The following HSD17B7 variants were observed in gnomAD, a reference collection of about 807,000 sequenced individuals.
The protein encoded by HSD17B7 is hydroxysteroid 17-beta dehydrogenase 7.
A neutral mutation model predicts 34.1 loss-of-function variants in HSD17B7; 17 were observed. That is an observed-to-expected ratio of 0.50 (90% confidence interval 0.34 to 0.75). HSD17B7 has a LOEUF of 0.75. Ranked by LOEUF, HSD17B7 falls within the 30% of genes least tolerant of loss-of-function variation. HSD17B7 has a pLI of 0.01. For synonymous variants in HSD17B7, 122 were observed against 154.6 expected, an observed-to-expected ratio of 0.79 and a Z score of 1.56; for missense variants, 296 against 406.6, an observed-to-expected ratio of 0.73 and a Z score of 2.34.
intron 5 of HSD17B7, 108 bp downstream of exon 5, chr1:162,800,045 G>C (rs1281034953): frequency 1.9e-5 from 18 of 926,838 alleles, no homozygotes; most frequent in Non-Finnish European, 2.9e-5. Context: ...TTATAGTTTA[G>C]ATTGATATTT....
chr1:162,792,964 T>G, intron 2 of HSD17B7, 102 bp downstream of exon 2: 4 of 1,146,864 alleles, frequency 3.5e-6, no homozygotes, highest in Non-Finnish European at 5.1e-6. Flanking sequence ...ACAGGTGCGG[T>G]GTAAGCAGTT....
chr1:162,803,033 G>A (rs917347097), intron 5 of HSD17B7: 14 of 157,206 alleles, frequency 8.9e-5, no homozygotes, highest in Admixed American at 3.1e-4. Flanking sequence ...CTTCTTGAAG[G>A]CAAGGACTGT....
chr1:162,800,859 G>A (rs1050963138), intron 5 of HSD17B7, among the ~76,000 whole-genome samples: 3 of 152,170 alleles, frequency 2.0e-5, no homozygotes, highest in Admixed American at 6.5e-5. Flanking sequence ...TTACCTCAAC[G>A]GAGCTTCTTG....
rs760958524 is a variant in HSD17B7, at chr1:162,790,795, G to C, written c.-6G>C. Reference sequence around the variant, plus strand: ...CTTCACTGCTTGGAAGTGTGAGTGCGCGAAGATGCGAAAGGTGGTTTTGAT... The same window carrying C: ...CTTCACTGCTTGGAAGTGTGAGTGCCCGAAGATGCGAAAGGTGGTTTTGAT... On this transcript the variant is annotated 5_prime_UTR_variant, in exon 1 of 9. Coordinates refer to ENST00000254521, the MANE Select transcript of HSD17B7 (RefSeq NM_016371.4). 1.2e-5 allele frequency: 20 copies of C among 1,611,896 alleles called. No individual in the cohort carries two copies. In the Admixed American group the frequency reaches 2.5e-4, roughly 20 times the overall value.
At chr1:162,811,179 A>G in intron 8 of HSD17B7, among the ~76,000 whole-genome samples, 1 of 152,110 alleles carries the variant, frequency 6.6e-6, no homozygotes, top group Non-Finnish European at 1.5e-5. Flanking sequence ...GCTTGTCTGT[A>G]AAGGATTTTA....
chr1:162,810,457 C>G (rs1454001084), intron 8 of HSD17B7, among the ~76,000 whole-genome samples: 2 of 152,170 alleles, frequency 1.3e-5, no homozygotes, highest in Admixed American at 6.5e-5. Flanking sequence ...CTGTAGATGT[C>G]TATTAGGTCT....
At chr1:162,795,760 G>C in intron 2 of HSD17B7, 1 of 428,820 alleles carries the variant, frequency 2.3e-6, no homozygotes, top group South Asian at 1.7e-5. Context: ...GAGATATTCT[G>C]AATATTTATG....
Position 162,799,737 on chromosome 1 carries a change from A to G in HSD17B7, c.448-6A>G. ...TTTTAATACTTTTTTTTTTTCTTTC[A>G]CCCAGATTCGGGAACTGGAGCCTCT... On this transcript the variant is annotated splice_polypyrimidine_tract_variant and splice_region_variant and intron_variant, in intron 4 of 8. Transcript: ENST00000254521. 3 of 1,602,658 alleles carry G rather than the reference A, an allele frequency of 1.9e-6. No homozygotes were observed. Among genetic ancestry groups the G allele is most frequent in the Non-Finnish European group, 2.6e-6 (3 of 1,175,790 alleles).
rs772663840 is a variant in HSD17B7, at chr1:162,803,386, T to A, written c.643-45T>A. On this transcript the variant is annotated intron_variant, in intron 5 of 8. Coordinates refer to ENST00000254521, the MANE Select transcript of HSD17B7 (RefSeq NM_016371.4). ...CTAGCATGTAGCTGGACTGAGTCAA[T>A]ATACACTGAGTTAAAGTCTCATTGC... The A allele has an allele frequency of 8.2e-6, 13 of 1,586,946 alleles. No individual in the cohort carries two copies. The African/African-American group carries it at 1.8e-4, about 21-fold the overall frequency.
In HSD17B7 at chr1:162,811,855, A is replaced by C. The variant is rs539438757; in HGVS notation, c.904-443A>C. Among the ~76,000 whole-genome samples, 3 of 152,346 alleles carry C rather than the reference A, an allele frequency of 2.0e-5. No individual in the cohort carries two copies. In the East Asian group the frequency reaches 5.8e-4, roughly 29 times the overall value. ...TCATGGCTCTGGCACCCATTGTTTC[A>C]ATGGAGGCTGAAGTATCGTCTTATA... On this transcript the variant is annotated intron_variant, in intron 8 of 8. Coordinates refer to ENST00000254521, the MANE Select transcript of HSD17B7 (RefSeq NM_016371.4).
chr1:162,806,951 A>G (rs74116796), intron 8 of HSD17B7, among the ~76,000 whole-genome samples: 9,291 of 152,252 alleles, frequency 0.061, 650 homozygotes, highest in African/African-American at 0.17. Context: ...TTGATTGAAG[A>G]TAAATGTTAT....
At chr1:162,793,034 T>TC (rs147921106) in intron 2 of HSD17B7, 172 bp downstream of exon 2, 13,366 of 428,518 alleles carry the variant, frequency 0.031, 34 homozygotes, top group East Asian at 0.081. Flanking sequence ...TTTCTTTCTT[T>TC]TTTTTTTTTT....
intron 8 of HSD17B7, among the ~76,000 whole-genome samples, chr1:162,805,939 T>A (rs1316168150): frequency 1.3e-5 from 2 of 152,172 alleles, no homozygotes; most frequent in African/African-American, 4.8e-5. Context: ...ACGTTGCAAG[T>A]TGAATGAAAT....
chr1:162,797,782 A>G lies in HSD17B7; in HGVS notation c.333-20A>G, dbSNP rs754536095. On this transcript the variant is annotated intron_variant, in intron 3 of 8. Coordinates refer to ENST00000254521, the MANE Select transcript of HSD17B7 (RefSeq NM_016371.4). Reference sequence around the variant, plus strand: ...TAAAGAAGCTTTAAAAAGTCATGCAATTATCTTCTGCTGTTTCAGAAAAGT... The same window carrying G: ...TAAAGAAGCTTTAAAAAGTCATGCAGTTATCTTCTGCTGTTTCAGAAAAGT... 6 of 1,602,924 alleles carry G rather than the reference A, an allele frequency of 3.7e-6. No individual in the cohort carries two copies. The highest frequency in any genetic ancestry group is 1.3e-5 in the African/African-American group (1 of 74,598).
Position 162,799,904 on chromosome 1 carries a change from G to C in HSD17B7, c.609G>C (p.Leu203Phe). 1 of 1,614,066 alleles carries C rather than the reference G, an allele frequency of 6.2e-7. No individual in the cohort carries two copies. Among genetic ancestry groups the C allele is most frequent in the East Asian group, 2.2e-5 (1 of 44,884 alleles). Residue 203 changes from leucine to phenylalanine, a missense_variant, in exon 5 of 9, where the codon TTG becomes TTC. Transcript: ENST00000254521. The part of the protein sequence containing the change: ...YSSSKYATDL[L>F]SVALNRNFNQ... ...CTTCCAAATATGCCACTGACCTTTT[G>C]AGTGTGGCTTTGAACAGGAACTTCA...
chr1:162,803,548 T>G lies in HSD17B7; in HGVS notation c.747+13T>G, dbSNP rs531196751. On this transcript the variant is annotated intron_variant, in intron 6 of 8. Coordinates refer to ENST00000254521, the MANE Select transcript of HSD17B7 (RefSeq NM_016371.4). Reference sequence around the variant, plus strand: ...GGCAATATTGCTAGTAAGTGATGAATATACTTCTTTTCTTAACTCATAAAA... The same window carrying G: ...GGCAATATTGCTAGTAAGTGATGAAGATACTTCTTTTCTTAACTCATAAAA... The G allele has an allele frequency of 1.4e-5, 22 of 1,604,152 alleles. No individual in the cohort carries two copies. Among genetic ancestry groups the G allele is most frequent in the Non-Finnish European group, 1.9e-5 (22 of 1,173,966 alleles).
chr1:162,804,877 A>G (rs757911136), intron 7 of HSD17B7, among the ~76,000 whole-genome samples: 10 of 152,210 alleles, frequency 6.6e-5, no homozygotes, highest in Non-Finnish European at 1.2e-4. Flanking sequence ...CCTTTCTGCT[A>G]TACACACGTG....
intron 7 of HSD17B7, among the ~76,000 whole-genome samples, chr1:162,804,838 G>A (rs1458573569): frequency 2.0e-5 from 3 of 152,190 alleles, no homozygotes; most frequent in African/African-American, 7.2e-5. Flanking sequence ...CCTCATCAAT[G>A]GCAGACATTA....
Position 162,792,712 on chromosome 1 carries a change from A to C in HSD17B7, c.89A>C (p.His30Pro). The part of the protein sequence containing the change: ...KRLLAEDDEL[H>P]LCLACRNMSK... ...CTGCTGGCGGAAGATGATGAGCTTC[A>C]TCTGTGTTTGGCGTGCAGGAACATG... The change falls in exon 2 of 9, where the codon CAT (histidine) becomes CCT (proline). Residue 30 changes from histidine (H) to proline (P), a missense_variant. Transcript: ENST00000254521. 1 of 1,614,126 alleles carries C rather than the reference A, an allele frequency of 6.2e-7. No homozygotes were observed. The highest frequency in any genetic ancestry group is 8.5e-7 in the Non-Finnish European group (1 of 1,180,004).
Sources: gnomAD v4.1 joint callset for allele counts (sites outside exome capture counted in the v4.1 genomes callset) on GRCh38, gnomAD v4.1.1 for gene constraint, MANE v1.5 for transcripts, NCBI Gene and HGNC (gene_info 2026-07-23, HGNC 2026-07-21) for gene names.